The following CTNNA3 variants were observed in gnomAD, a reference collection of about 807,000 sequenced individuals.
The protein encoded by CTNNA3 is catenin alpha-3.
CTNNA3 carries 76 observed loss-of-function variants against 95.7 expected under a neutral mutation model. That is an observed-to-expected ratio of 0.79 (90% CI 0.66 to 0.96). The LOEUF (loss-of-function observed/expected upper bound fraction) is 0.96. Ranked by LOEUF, CTNNA3 falls within the 40% of genes least tolerant of loss-of-function variation. The pLI is 0.00. For missense variants in CTNNA3, 1,191 were observed against 1,089.8 expected (o/e 1.09, Z -1.31); for synonymous variants, 431 against 374.4 (o/e 1.15, Z -1.74).
intron 15 of CTNNA3, among the ~76,000 whole-genome samples, chr10:66,059,345 C>T (rs140805406): frequency 3.3e-5 from 5 of 152,168 alleles, no homozygotes; most frequent in Non-Finnish European, 5.9e-5. Context: ...AGGTCCTTTC[C>T]GTTCTTTTAT....
intron 6 of CTNNA3, among the ~76,000 whole-genome samples, chr10:67,189,122 C>T (rs1230934156): frequency 7.0e-6 from 1 of 142,088 alleles, no homozygotes; most frequent in African/African-American, 2.9e-5. Flanking sequence ...GTCAAACAAA[C>T]AAACAAACAA....
intron 11 of CTNNA3, among the ~76,000 whole-genome samples, chr10:66,431,862 C>T (rs537392084): frequency 1.3e-4 from 19 of 151,678 alleles, no homozygotes; most frequent in Middle Eastern, 3.4e-3. Flanking sequence ...CAAACCTGCA[C>T]GTTGTGCACA....
At chr10:66,625,161 G>T (rs1224396556) in intron 9 of CTNNA3, among the ~76,000 whole-genome samples, 2 of 152,104 alleles carry the variant, frequency 1.3e-5, no homozygotes, top group Non-Finnish European at 2.9e-5. Flanking sequence ...AGAGGAGAGT[G>T]AAGTTTTTTA....
At chr10:65,929,296 C>A (rs2077214450) in intron 17 of CTNNA3, among the ~76,000 whole-genome samples, 1 of 152,046 alleles carries the variant, frequency 6.6e-6, no homozygotes, top group African/African-American at 2.4e-5. Flanking sequence ...TTATTAAAAA[C>A]TAACTTCTTG....
intron 9 of CTNNA3, among the ~76,000 whole-genome samples, chr10:66,675,078 G>C (rs1846802185): frequency 6.6e-6 from 1 of 151,902 alleles, no homozygotes; most frequent in African/African-American, 2.4e-5. Flanking sequence ...CTTTCAAATG[G>C]GGGTTAAACA....
chr10:67,756,963 T>C (rs1841436921), intron 1 of CTNNA3, among the ~76,000 whole-genome samples: 1 of 152,188 alleles, frequency 6.6e-6, no homozygotes, highest in South Asian at 2.1e-4. Context: ...GGGTTGAGGT[T>C]TTTTTCTATT....
At chr10:66,682,841 T>C (rs1393930527) in intron 9 of CTNNA3, among the ~76,000 whole-genome samples, 1 of 152,106 alleles carries the variant, frequency 6.6e-6, no homozygotes, top group East Asian at 1.9e-4. Context: ...TCAAAAGACC[T>C]AAATTGAGGG....
At chr10:67,275,350 G>A (rs1564528683) in intron 5 of CTNNA3, among the ~76,000 whole-genome samples, 2 of 152,068 alleles carry the variant, frequency 1.3e-5, no homozygotes, top group Non-Finnish European at 2.9e-5. Flanking sequence ...AGAACTCTTA[G>A]CCAAAATAAC....
At chr10:67,368,209 C>T (rs1407394721) in intron 5 of CTNNA3, among the ~76,000 whole-genome samples, 7 of 152,202 alleles carry the variant, frequency 4.6e-5, no homozygotes, top group African/African-American at 9.7e-5. Context: ...TTGAACCTAA[C>T]AGGCATCTCA....
intron 12 of CTNNA3, among the ~76,000 whole-genome samples, chr10:66,313,262 C>G (rs572350100): frequency 6.6e-6 from 1 of 152,116 alleles, no homozygotes; most frequent in African/African-American, 2.4e-5. Context: ...AGATAGATAG[C>G]TAGTAAGTGA....
intron 13 of CTNNA3, among the ~76,000 whole-genome samples, chr10:66,168,690 A>T (rs10822734): frequency 0.16 from 24,989 of 152,072 alleles, 2,343 homozygotes; most frequent in Admixed American, 0.25. Flanking sequence ...TTTATATTAT[A>T]GTACTTACTA....
chr10:66,995,714 T>C (rs982766999), intron 7 of CTNNA3, among the ~76,000 whole-genome samples: 7 of 152,166 alleles, frequency 4.6e-5, no homozygotes, highest in African/African-American at 1.7e-4. Context: ...GTAGCTTTGC[T>C]TACACTGCTC....
chr10:66,298,351 C>T (rs2091812168), intron 12 of CTNNA3, among the ~76,000 whole-genome samples: 1 of 152,022 alleles, frequency 6.6e-6, no homozygotes, highest in South Asian at 2.1e-4. Flanking sequence ...GGAAACTAAA[C>T]TTATTAGAAG....
intron 12 of CTNNA3, among the ~76,000 whole-genome samples, chr10:66,297,235 C>G (rs548942449): frequency 6.6e-6 from 1 of 151,998 alleles, no homozygotes. Context: ...TAAATTCATC[C>G]TTGAAATAGG....
intron 7 of CTNNA3, among the ~76,000 whole-genome samples, chr10:66,865,497 G>A (rs1216329277): frequency 1.3e-5 from 2 of 151,626 alleles, no homozygotes; most frequent in African/African-American, 4.8e-5. Context: ...GAATATTCTC[G>A]ATTCCTTGAA....
intron 12 of CTNNA3, among the ~76,000 whole-genome samples, chr10:66,338,004 G>C (rs1002958012): frequency 2.0e-5 from 3 of 151,922 alleles, no homozygotes; most frequent in Non-Finnish European, 4.4e-5. Context: ...GAGAAATGTT[G>C]ATAACAGCAT....
chr10:66,338,747 A>C (rs938609077), intron 12 of CTNNA3, among the ~76,000 whole-genome samples: 1 of 151,918 alleles, frequency 6.6e-6, no homozygotes, highest in Admixed American at 6.6e-5. Flanking sequence ...AACTGAGCAG[A>C]TTAGAACAGT....
At chr10:66,312,736 A>G (rs543648149) in intron 12 of CTNNA3, among the ~76,000 whole-genome samples, 1 of 152,222 alleles carries the variant, frequency 6.6e-6, no homozygotes, top group East Asian at 1.9e-4. Context: ...TAGTAAAGAC[A>G]GGGTTTCACC....
chr10:67,040,356 G>A (rs1854318763), intron 7 of CTNNA3, among the ~76,000 whole-genome samples: 1 of 152,062 alleles, frequency 6.6e-6, no homozygotes, highest in Admixed American at 6.6e-5. Context: ...AACCTCAGTA[G>A]TAACTAGGTA....
Sources: gnomAD v4.1 joint callset for allele counts (sites outside exome capture counted in the v4.1 genomes callset) on GRCh38, gnomAD v4.1.1 for gene constraint, MANE v1.5 for transcripts, NCBI Gene and HGNC (gene_info 2026-07-23, HGNC 2026-07-21) for gene names.